SLC4A10: variants seen among roughly 807,000 people sequenced by gnomAD.
SLC4A10 encodes solute carrier family 4 member 10, also known as sodium-driven chloride bicarbonate exchanger.
SLC4A10 carries 42 observed loss-of-function variants against 137.7 expected under a neutral mutation model. That is an observed-to-expected ratio of 0.30 (90% CI 0.24 to 0.39). SLC4A10 has a LOEUF of 0.39. Ranked by LOEUF, SLC4A10 falls within the 10% of genes least tolerant of loss-of-function variation. The pLI, the probability that SLC4A10 is intolerant of heterozygous loss-of-function variation, is 1.00. For missense variants in SLC4A10, 925 were observed against 1,355.0 expected (o/e 0.68, Z 4.98); for synonymous variants, 474 against 464.1 (o/e 1.02, Z -0.27).
intron 1 of SLC4A10, among the ~76,000 whole-genome samples, chr2:161,749,449 G>A (rs11893602): frequency 0.088 from 13,296 of 151,916 alleles, 838 homozygotes; most frequent in African/African-American, 0.18. Flanking sequence ...ATTTATGTGA[G>A]AGTTTTTATC....
At chr2:161,974,737 T>G (rs1218422744) in intron 24 of SLC4A10, among the ~76,000 whole-genome samples, 1 of 152,222 alleles carries the variant, frequency 6.6e-6, no homozygotes, top group African/African-American at 2.4e-5. Context: ...ATAATCTATT[T>G]CTTAAGTGAT....
At chr2:161,644,068 C>CTTTTTT (rs5835873) in intron 1 of SLC4A10, among the ~76,000 whole-genome samples, 4 of 143,730 alleles carry the variant, frequency 2.8e-5, no homozygotes, top group Non-Finnish European at 4.5e-5. Context: ...GGCTTCTAAT[C>CTTTTTT]TTTTTTTTTT....
intron 3 of SLC4A10, among the ~76,000 whole-genome samples, chr2:161,817,268 T>G (rs900324059): frequency 6.6e-5 from 10 of 152,380 alleles, no homozygotes; most frequent in African/African-American, 2.4e-4. Context: ...GTTGGCTGCA[T>G]AAATGTCTTC....
chr2:161,677,111 G>A (rs761484162), intron 1 of SLC4A10, among the ~76,000 whole-genome samples: 5 of 152,114 alleles, frequency 3.3e-5, no homozygotes, highest in Non-Finnish European at 5.9e-5. Flanking sequence ...GAATGGCTTG[G>A]TAGCATTCTT....
intron 3 of SLC4A10, among the ~76,000 whole-genome samples, chr2:161,833,840 G>A (rs1483530041): frequency 6.6e-6 from 1 of 151,984 alleles, no homozygotes; most frequent in Non-Finnish European, 1.5e-5. Context: ...ATGTTGGAAG[G>A]GCTTCTTCAA....
intron 2 of SLC4A10, among the ~76,000 whole-genome samples, chr2:161,778,757 A>G (rs1394465720): frequency 6.6e-6 from 1 of 152,008 alleles, no homozygotes; most frequent in African/African-American, 2.4e-5. Flanking sequence ...TGCAAATTAA[A>G]TTTAAAGATA....
chr2:161,907,266 G>T (rs543625966), intron 15 of SLC4A10, among the ~76,000 whole-genome samples: 1 of 152,238 alleles, frequency 6.6e-6, no homozygotes, highest in African/African-American at 2.4e-5. Context: ...GGCTAAGAAA[G>T]GACTGAGCAT....
At chr2:161,677,025 A>G (rs1242593780) in intron 1 of SLC4A10, among the ~76,000 whole-genome samples, 1 of 152,078 alleles carries the variant, frequency 6.6e-6, no homozygotes, top group Non-Finnish European at 1.5e-5. Context: ...GTCAAGTCTC[A>G]TGTTGAAATT....
intron 4 of SLC4A10, among the ~76,000 whole-genome samples, chr2:161,844,537 A>G (rs556508883): frequency 6.6e-6 from 1 of 152,230 alleles, no homozygotes; most frequent in East Asian, 1.9e-4. Flanking sequence ...CCCGAAGGCT[A>G]TAATTTTGGA....
chr2:161,781,466 G>T (rs916683815), intron 2 of SLC4A10, among the ~76,000 whole-genome samples: 11 of 152,120 alleles, frequency 7.2e-5, no homozygotes, highest in African/African-American at 2.4e-4. Flanking sequence ...CGAGATGAAT[G>T]TTTCATAAGA....
chr2:161,747,195 T>G (rs530168538), intron 1 of SLC4A10, among the ~76,000 whole-genome samples: 1 of 152,112 alleles, frequency 6.6e-6, no homozygotes, highest in Admixed American at 6.5e-5. Context: ...CCAAAGCACA[T>G]TAGCCCACAG....
At chr2:161,714,116 CAT>C (rs1456011241) in intron 1 of SLC4A10, among the ~76,000 whole-genome samples, 1 of 151,888 alleles carries the variant, frequency 6.6e-6, no homozygotes, top group East Asian at 1.9e-4. Flanking sequence ...ATAGGAGACT[CAT>C]ATAACTGAGA....
chr2:161,899,729 A>G (rs188848888), intron 11 of SLC4A10, among the ~76,000 whole-genome samples: 28 of 152,206 alleles, frequency 1.8e-4, no homozygotes, highest in African/African-American at 6.5e-4. Flanking sequence ...GTGATTGGGA[A>G]GTAGGTATTG....
chr2:161,802,853 T>C (rs1193135503), intron 2 of SLC4A10, among the ~76,000 whole-genome samples: 2 of 152,074 alleles, frequency 1.3e-5, no homozygotes, highest in Non-Finnish European at 2.9e-5. Flanking sequence ...AGAACACTAA[T>C]TGGATGGATC....
At chr2:161,780,552 A>T (rs1387694653) in intron 2 of SLC4A10, among the ~76,000 whole-genome samples, 1 of 152,030 alleles carries the variant, frequency 6.6e-6, no homozygotes, top group African/African-American at 2.4e-5. Flanking sequence ...AGCCTTTATT[A>T]TATTGAAATT....
chr2:161,826,738 A>C (rs1256080333), intron 3 of SLC4A10, among the ~76,000 whole-genome samples: 1 of 152,144 alleles, frequency 6.6e-6, no homozygotes. Context: ...GATTTTCTTA[A>C]CTAATTATTT....
intron 15 of SLC4A10, among the ~76,000 whole-genome samples, chr2:161,925,639 A>G (rs1446927924): frequency 2.6e-5 from 4 of 151,742 alleles, no homozygotes; most frequent in African/African-American, 4.8e-5. Flanking sequence ...TTTAATTGTG[A>G]TGTTAGGGTG....
At chr2:161,660,635 T>TC (rs2038236255) in intron 1 of SLC4A10, among the ~76,000 whole-genome samples, 1 of 139,070 alleles carries the variant, frequency 7.2e-6, no homozygotes. Flanking sequence ...TTCCTTTCCT[T>TC]CTTTCCTTCT....
intron 1 of SLC4A10, among the ~76,000 whole-genome samples, chr2:161,738,017 A>G (rs1261889532): frequency 1.3e-5 from 2 of 152,162 alleles, no homozygotes; most frequent in African/African-American, 4.8e-5. Flanking sequence ...GTTAGTTTTC[A>G]GGTTTATTCT....
Sources: allele counts gnomAD v4.1 joint callset (sites outside exome capture counted in the v4.1 genomes callset), GRCh38; gene constraint gnomAD v4.1.1; transcripts MANE v1.5; gene names NCBI Gene and HGNC (gene_info 2026-07-23, HGNC 2026-07-21).